The following ARRDC4 variants were observed in gnomAD, a reference collection of about 807,000 sequenced individuals.
The protein encoded by ARRDC4 is arrestin domain-containing protein 4.
In ARRDC4, 40 loss-of-function variants were observed where a neutral mutation model predicts 44.6. The observed-to-expected ratio is 0.90, with a 90% CI of 0.70 to 1.17. The LOEUF is 1.17. ARRDC4 is among the 50% of genes most tolerant of loss of function. The pLI is 0.00. For synonymous variants in ARRDC4, 211 were observed against 221.2 expected (o/e 0.95, Z 0.41); for missense variants, 550 against 559.1 (o/e 0.98, Z 0.16).
In ARRDC4 at chr15:97,967,307, T is replaced by A. The variant is rs764816811; in HGVS notation, c.523-707T>A. Among the ~76,000 whole-genome samples the A allele has an allele frequency of 6.6e-6, 1 of 152,180 alleles. No individual in the cohort carries two copies. The highest frequency in any genetic ancestry group is 2.4e-5 in the African/African-American group (1 of 41,450). Reference sequence around the variant, plus strand: ...TCTTTATATAAATAAAAAAAAAATATTGCAAGTAACTGGGTTTTACAGAAA... The same window carrying A: ...TCTTTATATAAATAAAAAAAAAATAATGCAAGTAACTGGGTTTTACAGAAA... On this transcript the variant is annotated intron_variant, in intron 3 of 7. Coordinates refer to ENST00000268042, the MANE Select transcript of ARRDC4 (RefSeq NM_183376.3). This position sits in a 1 kb window ranked among gnomAD's most constrained non-coding sequence, Gnocchi z 5.0.
Position 97,965,762 on chromosome 15 carries a change from T to G in ARRDC4, c.374+96T>G. On this transcript the variant is annotated intron_variant, in intron 2 of 7. Coordinates refer to ENST00000268042, the MANE Select transcript of ARRDC4 (RefSeq NM_183376.3). This position sits in a 1 kb window ranked among gnomAD's most constrained non-coding sequence, Gnocchi z 5.1. ...GTCTCTTCTGATTCTCAAGTATGCA[T>G]GTTTACACTGAATAGTCCCTAAATA... 6.8e-7 allele frequency: 1 copy of G among 1,477,876 alleles called. No homozygotes were observed. Among genetic ancestry groups the G allele is most frequent in the Non-Finnish European group, 9.5e-7 (1 of 1,058,172 alleles). The allele number at this position is 1,477,876 out of a possible 1,614,324, so 91.5% of individuals were successfully genotyped here. A position where few individuals can be genotyped will look rare whatever the true frequency, so the allele number is the denominator to read the frequency against.
chr15:97,971,114 C>G lies in ARRDC4; in HGVS notation c.1201-17C>G, dbSNP rs2141537484. On this transcript the variant is annotated splice_polypyrimidine_tract_variant and intron_variant, in intron 7 of 7. Coordinates refer to ENST00000268042, the MANE Select transcript of ARRDC4 (RefSeq NM_183376.3). ...ATAATGCTACAACACTAATCTCAGT[C>G]CGCTCTTTTTTTGCAGGTTGACCCA... 3 of 1,612,522 alleles carry G rather than the reference C, an allele frequency of 1.9e-6. No homozygotes were observed. The highest frequency in any genetic ancestry group is 2.5e-6 in the Non-Finnish European group (3 of 1,178,762).
intron 4 of ARRDC4, 96 bp from the exon 5 acceptor site, chr15:97,969,027 T>A: frequency 7.9e-7 from 1 of 1,267,820 alleles, no homozygotes; most frequent in Non-Finnish European, 1.1e-6. Flanking sequence ...TTTGTTAAAG[T>A]GATGTTGGAA....
chr15:97,961,154 G>T lies in ARRDC4; in HGVS notation c.293G>T (p.Arg98Leu). ...TACCTGAACGTGCGCCTCAGCCTGCGGGAGCCCCCGGCCGGTAAGCGCAGG... is the reference window on the plus strand; with the variant it reads ...TACCTGAACGTGCGCCTCAGCCTGCTGGAGCCCCCGGCCGGTAAGCGCAGG... ...VEYLNVRLSLREPPAGEGIIL... is the reference protein window; with the variant it reads ...VEYLNVRLSLLEPPAGEGIIL... Residue 98 changes from arginine (R) to leucine (L), a missense_variant, in exon 1 of 8, where the codon CGG becomes CTG. By Grantham distance (102) the Arg-to-Leu change is moderately radical. Transcript: ENST00000268042. 1 of 1,439,032 alleles carries T rather than the reference G, an allele frequency of 6.9e-7. No homozygotes were observed. Among genetic ancestry groups the T allele is most frequent in the Non-Finnish European group, 9.0e-7 (1 of 1,106,526 alleles). The allele number at this position is 1,439,032 out of a possible 1,614,324, so 89.1% of individuals were successfully genotyped here.
chr15:97,965,647 C>T lies in ARRDC4; in HGVS notation c.355C>T (p.Arg119Cys), dbSNP rs759457620. ...GCCTGGAAAACATGAATTTCCATTTCGCTTTCAACTTCCATCTGAGTAAGT... is the reference window on the plus strand; with the variant it reads ...GCCTGGAAAACATGAATTTCCATTTTGCTTTCAACTTCCATCTGAGTAAGT... ...LQPGKHEFPF[R>C]FQLPSEPLVT... Residue 119 changes from arginine (R) to cysteine (C), a missense_variant, in exon 2 of 8, where the codon CGC becomes TGC. Coordinates refer to ENST00000268042, the MANE Select transcript of ARRDC4 (RefSeq NM_183376.3). This position sits in a 1 kb window ranked among gnomAD's most constrained non-coding sequence, Gnocchi z 5.1. 8 of 1,613,352 alleles carry T rather than the reference C, an allele frequency of 5.0e-6. No homozygotes were observed. Among genetic ancestry groups the T allele is most frequent in the African/African-American group, 2.7e-5 (2 of 74,888 alleles).
rs1213539817 is a variant in ARRDC4 at position 97,970,876 on chromosome 15, G to C, written c.1200+133G>C. Reference sequence around the variant, plus strand: ...ATACATTTAAATTTGTTTATACAGTGGTAATAGATTATCGCTGATTCATTT... The same window carrying C: ...ATACATTTAAATTTGTTTATACAGTCGTAATAGATTATCGCTGATTCATTT... On this transcript the variant is annotated intron_variant, in intron 7 of 7. Transcript: ENST00000268042. The surrounding 1 kb of genome is among the most constrained non-coding windows in gnomAD (Gnocchi z 4.2). 1.1e-5 allele frequency: 13 copies of C among 1,142,934 alleles called. No homozygotes were observed. The highest frequency in any genetic ancestry group is 1.6e-5 in the Non-Finnish European group (13 of 818,140). The allele number at this position is 1,142,934 out of a possible 1,614,324, so 70.8% of individuals were successfully genotyped here. A position where few individuals can be genotyped will look rare whatever the true frequency, so the allele number is the denominator to read the frequency against.
Position 97,968,275 on chromosome 15 carries a change from T to G in ARRDC4, c.625+159T>G, listed in dbSNP as rs1899452613. ...TTTATATAAATAATTGATATTTAAG[T>G]ATTTTTAAAAGGAGGAATTGTTTCC... is the stretch of plus-strand genomic sequence containing the variant. On this transcript the variant is annotated intron_variant, in intron 4 of 7. Transcript: ENST00000268042. This position sits in a 1 kb window ranked among gnomAD's most constrained non-coding sequence, Gnocchi z 5.4. Among the ~76,000 whole-genome samples, 2 of 152,180 alleles carry G rather than the reference T, an allele frequency of 1.3e-5. No homozygotes were observed. The highest frequency in any genetic ancestry group is 4.8e-5 in the African/African-American group (2 of 41,462).
At chr15:97,963,612 G>A (rs1432110813) in intron 1 of ARRDC4, among the ~76,000 whole-genome samples, 1 of 152,126 alleles carries the variant, frequency 6.6e-6, no homozygotes, top group Non-Finnish European at 1.5e-5. Context: ...CCAGCCCTCA[G>A]GTCCTGAAGA....
At chr15:97,961,252 C>G in intron 1 of ARRDC4, 84 bp downstream of exon 1, 1 of 1,234,742 alleles carries the variant, frequency 8.1e-7, no homozygotes, top group Non-Finnish European at 1.0e-6. Context: ...CTCGGGATGC[C>G]CACCTGGCAG....
rs1196768273 is a variant in ARRDC4, at chr15:97,971,916, CT to C, written c.*734del. The C allele has an allele frequency of 6.6e-6, 1 of 152,370 alleles. No individual in the cohort carries two copies. The highest frequency in any genetic ancestry group is 1.5e-5 in the Non-Finnish European group (1 of 68,024). The allele number at this position is 152,370 out of a possible 1,614,324, so 9.4% of individuals were successfully genotyped here. A position where few individuals can be genotyped will look rare whatever the true frequency, so the allele number is the denominator to read the frequency against. On this transcript the variant is annotated 3_prime_UTR_variant, in exon 8 of 8. Coordinates refer to ENST00000268042, the MANE Select transcript of ARRDC4 (RefSeq NM_183376.3). ...AAAACACGTTTTGTTGAGGGCTGTA[CT>C]TTTTACCCCCTTTAAGTGCTTTAAC... is the stretch of plus-strand genomic sequence containing the variant.
intron 1 of ARRDC4, 43 bp downstream of exon 1, chr15:97,961,211 G>A (rs751801652): frequency 4.1e-5 from 56 of 1,357,028 alleles, no homozygotes; most frequent in Middle Eastern, 2.8e-4. Context: ...CCAGGCTGCG[G>A]GGCCGGGGAG....
rs1378771085 is a variant in ARRDC4, at chr15:97,967,096, T to C, written c.523-918T>C. Among the ~76,000 whole-genome samples the C allele has an allele frequency of 6.6e-6, 1 of 152,246 alleles. No homozygotes were observed. The highest frequency in any genetic ancestry group is 2.4e-5 in the African/African-American group (1 of 41,476). On this transcript the variant is annotated intron_variant, in intron 3 of 7. Coordinates refer to ENST00000268042, the MANE Select transcript of ARRDC4 (RefSeq NM_183376.3). The surrounding 1 kb of genome is among the most constrained non-coding windows in gnomAD (Gnocchi z 5.0). ...GCCGGCACCCAGCTGGCCTGGCTTA[T>C]AGCTGGGACTTTAACAGCCGCTTGA...
Position 97,971,729 on chromosome 15 carries a change from G to C in ARRDC4, c.*542G>C, listed in dbSNP as rs1214411828. 2 of 155,730 alleles carry C rather than the reference G, an allele frequency of 1.3e-5. No individual in the cohort carries two copies. The highest frequency in any genetic ancestry group is 2.4e-5 in the African/African-American group (1 of 41,432). The allele number at this position is 155,730 out of a possible 1,614,324, so 9.6% of individuals were successfully genotyped here. A position where few individuals can be genotyped will look rare whatever the true frequency, so the allele number is the denominator to read the frequency against. On this transcript the variant is annotated 3_prime_UTR_variant, in exon 8 of 8. Coordinates refer to ENST00000268042, the MANE Select transcript of ARRDC4 (RefSeq NM_183376.3). The stretch of plus-strand genomic sequence containing the variant: ...AGACATTGAAAAAGCATCTTTTCTT[G>C]AGATCATGGTCATATGAGGTCCTAA...
At position 97,969,856 on chromosome 15, in the gene ARRDC4, CTTTTTTT is replaced by C. The variant is rs201375946; in HGVS notation, c.883-17_883-11del. On this transcript the variant is annotated intron_variant, in intron 5 of 7. Transcript: ENST00000268042. ...GTGTAGCTTACATTTGTTCCTTTCT[CTTTTTTT>C]TTTTTTTTTGGCTTATTAGGTATAC... The C allele has an allele frequency of 3.0e-6, 4 of 1,353,382 alleles. No homozygotes were observed. The East Asian group carries it at 7.4e-5, about 25-fold the overall frequency. The allele number at this position is 1,353,382 out of a possible 1,614,324, so 83.8% of individuals were successfully genotyped here.
chr15:97,968,132 G>C lies in ARRDC4; in HGVS notation c.625+16G>C, dbSNP rs780454761. The C allele has an allele frequency of 4.1e-6, 6 of 1,469,016 alleles. No homozygotes were observed. The highest frequency in any genetic ancestry group is 5.5e-6 in the Non-Finnish European group (6 of 1,085,206). The allele number at this position is 1,469,016 out of a possible 1,614,324, so 91.0% of individuals were successfully genotyped here. A position where few individuals can be genotyped will look rare whatever the true frequency, so the allele number is the denominator to read the frequency against. On this transcript the variant is annotated intron_variant, in intron 4 of 7. Coordinates refer to ENST00000268042, the MANE Select transcript of ARRDC4 (RefSeq NM_183376.3). This position sits in a 1 kb window ranked among gnomAD's most constrained non-coding sequence, Gnocchi z 5.4. Reference sequence around the variant, plus strand: ...TACTGTAATGGTAAGCAAAATGCTTGAAAGTCCAAATGAAAGATTTCATTC... The same window carrying C: ...TACTGTAATGGTAAGCAAAATGCTTCAAAGTCCAAATGAAAGATTTCATTC...
chr15:97,970,160 T>C lies in ARRDC4; in HGVS notation c.1045+115T>C. The C allele has an allele frequency of 8.9e-6, 10 of 1,118,666 alleles. No individual in the cohort carries two copies. Among genetic ancestry groups the C allele is most frequent in the Non-Finnish European group, 1.2e-5 (10 of 830,664 alleles). 69.3% of individuals were successfully genotyped at this position (1,118,666 alleles called of 1,614,324 possible). On this transcript the variant is annotated intron_variant, in intron 6 of 7. Transcript: ENST00000268042. The surrounding 1 kb of genome is among the most constrained non-coding windows in gnomAD (Gnocchi z 4.2). Reference sequence around the variant, plus strand: ...GATGAGTACTGCTACTATAGGTATCTTTATTCCTACTACTAAAAAATCAGA... The same window carrying C: ...GATGAGTACTGCTACTATAGGTATCCTTATTCCTACTACTAAAAAATCAGA...
chr15:97,969,917 T>A lies in ARRDC4; in HGVS notation c.917T>A (p.Met306Lys). ...CACATTCCTGGTGCTAAAAAATTGA[T>A]GCTCGAACTGCCATTAGTGATCGGT... ...YIHIPGAKKL[M>K]LELPLVIGTI... is the part of the protein sequence containing the mutation. The change falls in exon 6 of 8, where the codon ATG (methionine) becomes AAG (lysine). Residue 306 changes from methionine to lysine, a missense_variant. By Grantham distance (95) the Met-to-Lys change is moderately conservative. Transcript: ENST00000268042. 1.9e-6 allele frequency: 3 copies of A among 1,607,408 alleles called. No homozygotes were observed. The highest frequency in any genetic ancestry group is 2.5e-6 in the Non-Finnish European group (3 of 1,176,574).
rs1222826116 is a variant in ARRDC4 at position 97,960,871 on chromosome 15, G to A, written c.10G>A (p.Glu4Lys). The A allele has an allele frequency of 7.3e-7, 1 of 1,376,816 alleles. No individual in the cohort carries two copies. Among genetic ancestry groups the A allele is most frequent in the Non-Finnish European group, 9.5e-7 (1 of 1,057,132 alleles). The allele number at this position is 1,376,816 out of a possible 1,614,324, so 85.3% of individuals were successfully genotyped here. MGG[E>K]AGCAAAVGAE... is the part of the protein sequence containing the mutation. Reference sequence around the variant, plus strand: ...AGAGTCGCCCGGCGGGATGGGCGGGGAGGCTGGGTGCGCGGCGGCCGTGGG... The same window carrying A: ...AGAGTCGCCCGGCGGGATGGGCGGGAAGGCTGGGTGCGCGGCGGCCGTGGG... The change falls in exon 1 of 8, where the codon GAG becomes AAG. Residue 4 changes from glutamate (E) to lysine (K), a missense_variant. Physicochemically the swap from Glu to Lys is moderately conservative, Grantham distance 56. Transcript: ENST00000268042.
In ARRDC4 at chr15:97,971,191, T is replaced by C. The variant is rs769165961; in HGVS notation, c.*4T>C. 2 of 1,612,176 alleles carry C rather than the reference T, an allele frequency of 1.2e-6. No homozygotes were observed. The highest frequency in any genetic ancestry group is 2.7e-5 in the African/African-American group (2 of 74,852). ...GCCTGTTTCCTTCATTCTCTGAACG[T>C]ATTTCAGAAATCACTGTGTTCATCA... On this transcript the variant is annotated 3_prime_UTR_variant, in exon 8 of 8. Coordinates refer to ENST00000268042, the MANE Select transcript of ARRDC4 (RefSeq NM_183376.3).
Sources: allele counts gnomAD v4.1 joint callset (sites outside exome capture counted in the v4.1 genomes callset), GRCh38; gene constraint gnomAD v4.1.1; non-coding constraint Gnocchi (gnomAD v3.1); transcripts MANE v1.5; gene names NCBI Gene and HGNC (gene_info 2026-07-23, HGNC 2026-07-21).